Variants in ARHGAP6 observed in about 807,000 individuals in gnomAD.
The protein encoded by ARHGAP6 is rho GTPase-activating protein 6.
ARHGAP6 carries 16 observed loss-of-function variants against 55.7 expected under a neutral mutation model. That is an observed-to-expected ratio of 0.29 (90% confidence interval 0.19 to 0.44). ARHGAP6 has a LOEUF of 0.44. ARHGAP6 is among the 20% of genes least tolerant of loss of function. The pLI, the probability that ARHGAP6 is intolerant of heterozygous loss-of-function variation, is 1.00. For synonymous variants in ARHGAP6, 382 were observed against 360.9 expected, an observed-to-expected ratio of 1.06 and a Z score of -0.66; for missense variants, 698 against 808.9, an observed-to-expected ratio of 0.86 and a Z score of 1.66.
At chrX:11,290,126 A>G (rs1184627792) in intron 1 of ARHGAP6, among the ~76,000 whole-genome samples, 1 of 112,104 alleles carries the variant, frequency 8.9e-6, no homozygotes, top group Non-Finnish European at 1.9e-5. Context: ...CTTTTCAGAT[A>G]CTTATCAGAG....
intron 1 of ARHGAP6, among the ~76,000 whole-genome samples, chrX:11,450,147 G>C (rs993496528): frequency 1.2e-4 from 13 of 110,504 alleles, no homozygotes; most frequent in Non-Finnish European, 2.3e-4. Context: ...GTTGATATTT[G>C]CATAGAGCGT....
chrX:11,577,809 A>G (rs963754530), intron 1 of ARHGAP6, among the ~76,000 whole-genome samples: 7 of 111,565 alleles, frequency 6.3e-5, no homozygotes, highest in Non-Finnish European at 1.3e-4. Flanking sequence ...TAGGCACTGT[A>G]CAAGTAGCTG....
intron 3 of ARHGAP6, among the ~76,000 whole-genome samples, chrX:11,192,089 G>GCA (rs748910756): frequency 9.0e-6 from 1 of 111,467 alleles, no homozygotes; most frequent in East Asian, 2.8e-4. Context: ...CCTTCCTTGA[G>GCA]CACCAACCAC....
intron 1 of ARHGAP6, among the ~76,000 whole-genome samples, chrX:11,287,476 A>T (rs1405154771): frequency 1.8e-5 from 2 of 111,700 alleles, no homozygotes; most frequent in Non-Finnish European, 3.8e-5. Flanking sequence ...TTCTTGACAC[A>T]AGTCTGAGCT....
chrX:11,202,136 G>A (rs191945664), intron 2 of ARHGAP6, among the ~76,000 whole-genome samples: 7 of 109,433 alleles, frequency 6.4e-5, no homozygotes, highest in Non-Finnish European at 1.1e-4. Context: ...TAGCAGAGAA[G>A]TTGACTGAGT....
At chrX:11,227,122 C>G (rs749565725) in intron 2 of ARHGAP6, among the ~76,000 whole-genome samples, 1 of 111,898 alleles carries the variant, frequency 8.9e-6, no homozygotes, top group African/African-American at 3.2e-5. Context: ...GTTAAATAAA[C>G]TAGGAAAAGC....
intron 1 of ARHGAP6, among the ~76,000 whole-genome samples, chrX:11,363,033 GA>G (rs924799630): frequency 3.6e-5 from 4 of 111,239 alleles, no homozygotes; most frequent in Admixed American, 1.9e-4. Flanking sequence ...AAAAGCAGAA[GA>G]AAAAAAATAA....
chrX:11,629,521 A>G (rs5979440), intron 1 of ARHGAP6, among the ~76,000 whole-genome samples: 13,763 of 110,362 alleles, frequency 0.12, 791 homozygotes, highest in Middle Eastern at 0.22. Flanking sequence ...GATCTAATAA[A>G]GCAATTATGA....
At chrX:11,257,675 A>G (rs2147491461) in intron 1 of ARHGAP6, among the ~76,000 whole-genome samples, 1 of 112,115 alleles carries the variant, frequency 8.9e-6, no homozygotes, top group South Asian at 3.8e-4. Context: ...TAGGCTTGGG[A>G]CTATTAAGAT....
chrX:11,367,079 G>A (rs1197624294), intron 1 of ARHGAP6, among the ~76,000 whole-genome samples: 1 of 111,511 alleles, frequency 9.0e-6, no homozygotes, highest in Non-Finnish European at 1.9e-5. Flanking sequence ...TGGATTCAGA[G>A]GTTCCAGAGG....
chrX:11,277,473 G>C (rs987503456), intron 1 of ARHGAP6, among the ~76,000 whole-genome samples: 4 of 111,282 alleles, frequency 3.6e-5, no homozygotes, highest in Admixed American at 1.9e-4. Context: ...ACTCCAAATA[G>C]CAAGATTCAA....
At chrX:11,546,652 C>G (rs2051214526) in intron 1 of ARHGAP6, among the ~76,000 whole-genome samples, 1 of 111,952 alleles carries the variant, frequency 8.9e-6, no homozygotes, top group African/African-American at 3.2e-5. Context: ...TTGTTAAACA[C>G]TTGCTGGCAG....
At chrX:11,465,157 C>A (rs1190810368) in intron 1 of ARHGAP6, among the ~76,000 whole-genome samples, 1 of 112,123 alleles carries the variant, frequency 8.9e-6, no homozygotes, top group Non-Finnish European at 1.9e-5. Flanking sequence ...ACCTTTTTAT[C>A]CCTTTAAATA....
chrX:11,172,378 T>A (rs2046104764), intron 8 of ARHGAP6, among the ~76,000 whole-genome samples: 1 of 111,893 alleles, frequency 8.9e-6, no homozygotes, highest in African/African-American at 3.3e-5. Flanking sequence ...TAATTTTTCT[T>A]TTCCTGGAAA....
chrX:11,525,799 G>C (rs2050983216), intron 1 of ARHGAP6, among the ~76,000 whole-genome samples: 2 of 111,039 alleles, frequency 1.8e-5, no homozygotes, highest in African/African-American at 6.5e-5. Context: ...AATTTACAGA[G>C]GAAAAAATCT....
intron 1 of ARHGAP6, among the ~76,000 whole-genome samples, chrX:11,393,204 T>C (rs1411474312): frequency 2.7e-5 from 3 of 111,449 alleles, no homozygotes; most frequent in Non-Finnish European, 1.9e-5. Context: ...AAGAGCAATT[T>C]AAGTTTTTTA....
intron 6 of ARHGAP6, among the ~76,000 whole-genome samples, chrX:11,180,393 C>T (rs987779800): frequency 6.3e-5 from 7 of 110,732 alleles, no homozygotes; most frequent in Admixed American, 1.9e-4. Flanking sequence ...GATTACTACG[C>T]ATTTCCTGTG....
chrX:11,215,899 A>G (rs1211673046), intron 2 of ARHGAP6, among the ~76,000 whole-genome samples: 1 of 111,921 alleles, frequency 8.9e-6, no homozygotes, highest in African/African-American at 3.2e-5. Context: ...AGCTTTTCAA[A>G]GCAGGCTCAA....
chrX:11,569,146 C>T (rs1601653800), intron 1 of ARHGAP6, among the ~76,000 whole-genome samples: 1 of 111,404 alleles, frequency 9.0e-6, no homozygotes, highest in Non-Finnish European at 1.9e-5. Context: ...ACAATCGTGA[C>T]TTCTAGGGGT....
Sources: allele counts gnomAD v4.1 joint callset (sites outside exome capture counted in the v4.1 genomes callset), GRCh38; gene constraint gnomAD v4.1.1; transcripts MANE v1.5; gene names NCBI Gene and HGNC (gene_info 2026-07-23, HGNC 2026-07-21).